NHSL1: variants seen among roughly 807,000 people sequenced by gnomAD.
The protein encoded by NHSL1 is NHS like 1, also known as NHS-like protein 1.
Under a neutral mutation model 95.0 loss-of-function variants are expected in NHSL1, and 48 were observed. The ratio of observed to expected loss-of-function variants is 0.51; its 90% CI spans 0.40 to 0.64. The LOEUF (loss-of-function observed/expected upper bound fraction) is 0.64, where lower values mean the gene tolerates loss of function less well. NHSL1 is among the 30% of genes least tolerant of loss of function. The pLI is 0.00. For synonymous variants in NHSL1, 783 were observed against 833.9 expected (o/e 0.94, Z 1.05); for missense variants, 1,971 against 2,077.7 (o/e 0.95, Z 1.00).
intron 1 of NHSL1, among the ~76,000 whole-genome samples, chr6:138,523,627 G>GGAAAA (rs1484248538): frequency 1.8e-4 from 12 of 64,936 alleles, no homozygotes; most frequent in South Asian, 6.1e-4. Flanking sequence ...TTTTAAAGAG[G>GGAAAA]AAAAAAAAAA....
chr6:138,633,870 C>T (rs1784854072), intron 1 of NHSL1, among the ~76,000 whole-genome samples: 1 of 152,142 alleles, frequency 6.6e-6, no homozygotes, highest in Non-Finnish European at 1.5e-5. Flanking sequence ...ATAACTACAA[C>T]TATTCAAGAC....
rs1283413370 is a variant in NHSL1 at position 138,430,938 on chromosome 6, C to G, written c.3407G>C (p.Ser1136Thr). 1.3e-6 allele frequency: 2 copies of G among 1,551,702 alleles called. No homozygotes were observed. Among genetic ancestry groups the G allele is most frequent in the East Asian group, 4.9e-5 (2 of 40,912 alleles). Residue 1136 changes from serine (S) to threonine (T), a missense_variant, in exon 6 of 8, where the codon AGC becomes ACC. Ser to Thr is a moderately conservative substitution (Grantham distance 58). Coordinates refer to ENST00000343505, the MANE Select transcript of NHSL1 (RefSeq NM_001144060.2). This position sits in a 1 kb window ranked among gnomAD's most constrained non-coding sequence, Gnocchi z 4.7. ...GCTCTTGGCAGGCGTCGGAAGCGAG[C>G]TTGTCACAGAGGCAGGCTGGCTTTC... The part of the protein sequence containing the change: ...ESESQPASVT[S>T]SLPTPAKSSS...
intron 3 of NHSL1, among the ~76,000 whole-genome samples, chr6:138,471,880 A>T (rs1005648073): frequency 6.6e-6 from 1 of 152,180 alleles, no homozygotes; most frequent in African/African-American, 2.4e-5. Context: ...AATTTAAAAT[A>T]TTAATTACAA....
intron 1 of NHSL1, among the ~76,000 whole-genome samples, chr6:138,518,339 T>C (rs1781537457): frequency 6.6e-6 from 1 of 151,938 alleles, no homozygotes; most frequent in African/African-American, 2.4e-5. Flanking sequence ...ACAGTCCAGG[T>C]TTGGTTTCTT....
At chr6:138,508,379 T>C (rs1562337084) in intron 1 of NHSL1, among the ~76,000 whole-genome samples, 2 of 152,142 alleles carry the variant, frequency 1.3e-5, no homozygotes. Context: ...GTGCTGATGT[T>C]GGAATTATTG....
At chr6:138,690,896 T>C (rs1785657573) in intron 1 of NHSL1, among the ~76,000 whole-genome samples, 1 of 152,230 alleles carries the variant, frequency 6.6e-6, no homozygotes, top group Admixed American at 6.5e-5. Flanking sequence ...AGAAAAGTGA[T>C]ACATTTAAAT....
At chr6:138,581,951 G>A (rs1198197278) in intron 1 of NHSL1, among the ~76,000 whole-genome samples, 1 of 144,530 alleles carries the variant, frequency 6.9e-6, no homozygotes, top group East Asian at 2.0e-4. Context: ...AGGCTGGAGT[G>A]CAGTGGCGCG....
At chr6:138,576,967 A>G (rs139964053), upstream of NHSL1, among the ~76,000 whole-genome samples, 18 of 152,376 alleles carry the variant, frequency 1.2e-4, no homozygotes, top group East Asian at 3.5e-3. Context: ...TAAAAACTGG[A>G]GGCACCAGAA....
chr6:138,427,799 T>G (rs1775359693), intron 7 of NHSL1, among the ~76,000 whole-genome samples: 1 of 152,226 alleles, frequency 6.6e-6, no homozygotes, highest in Middle Eastern at 3.2e-3. Flanking sequence ...GCTTAAGCGC[T>G]GAAGGACATA....
chr6:138,432,054 G>T lies in NHSL1; in HGVS notation c.2291C>A (p.Pro764Gln). ...PNVYSLCGAT[P>Q]SQSDTSSVKS... ...GACGCTGCTTGTGTCACTCTGCGAT[G>T]GCGTGGCCCCGCACAGGGAGTAGAC... Residue 764 changes from proline (P) to glutamine (Q), a missense_variant, in exon 6 of 8, where the codon CCA becomes CAA. Physicochemically the swap from Pro to Gln is moderately conservative, Grantham distance 76. Transcript: ENST00000343505. This position sits in a 1 kb window ranked among gnomAD's most constrained non-coding sequence, Gnocchi z 4.4. 4 of 1,551,744 alleles carry T rather than the reference G, an allele frequency of 2.6e-6. No individual in the cohort carries two copies. The highest frequency in any genetic ancestry group is 3.5e-6 in the Non-Finnish European group (4 of 1,146,996).
At chr6:138,641,581 C>T (rs1250265128) in intron 1 of NHSL1, among the ~76,000 whole-genome samples, 1 of 149,296 alleles carries the variant, frequency 6.7e-6, no homozygotes, top group Non-Finnish European at 1.5e-5. Flanking sequence ...TGAGATCGTG[C>T]CACCGCACTC....
At chr6:138,643,237 T>A (rs1393206661) in intron 1 of NHSL1, among the ~76,000 whole-genome samples, 2 of 152,102 alleles carry the variant, frequency 1.3e-5, no homozygotes, top group Non-Finnish European at 2.9e-5. Context: ...AAGACTTTAT[T>A]TTTTTTAGAG....
intron 1 of NHSL1, among the ~76,000 whole-genome samples, chr6:138,688,408 G>C (rs1785615706): frequency 6.6e-6 from 1 of 152,078 alleles, no homozygotes. Flanking sequence ...CACTTTGGGA[G>C]GCCGAGGCGG....
At position 138,433,224 on chromosome 6, in the gene NHSL1, G is replaced by A. The variant is rs963808235; in HGVS notation, c.1121C>T (p.Ser374Leu). The change falls in exon 6 of 8, where the codon TCA becomes TTA. Residue 374 changes from serine (S) to leucine (L), a missense_variant. This residue lies in a region of NHSL1 where 1,602 missense variants were observed against 1,654.5 expected (regional missense o/e 0.97). Transcript: ENST00000343505. ...DENLGHLGGA[S>L]GTGTLLRPKS... is the part of the protein sequence containing the mutation. The stretch of plus-strand genomic sequence containing the variant: ...GGGTCTCAAAAGTGTTCCAGTCCCT[G>A]AGGCACCTCCTAAATGGCCTAAGTT... The A allele has an allele frequency of 6.4e-7, 1 of 1,551,204 alleles. No individual in the cohort carries two copies. Among genetic ancestry groups the A allele is most frequent in the African/African-American group, 1.4e-5 (1 of 72,972 alleles).
In NHSL1 at chr6:138,430,902, C is replaced by A. The variant is rs1335008537; in HGVS notation, c.3443G>T (p.Gly1148Val). 6.4e-7 allele frequency: 1 copy of A among 1,551,544 alleles called. No individual in the cohort carries two copies. The highest frequency in any genetic ancestry group is 8.7e-7 in the Non-Finnish European group (1 of 1,146,886). Residue 1148 changes from glycine (G) to valine (V), a missense_variant, in exon 6 of 8, where the codon GGT (glycine) becomes GTT (valine). Gly to Val is a moderately radical substitution (Grantham distance 109). This residue lies in a region of NHSL1 where 1,602 missense variants were observed against 1,654.5 expected (regional missense o/e 0.97). Transcript: ENST00000343505. The surrounding 1 kb of genome is among the most constrained non-coding windows in gnomAD (Gnocchi z 4.7). Reference sequence around the variant, plus strand: ...ACGCTCAGCCGCACTGCCATGGTCACCCTGACTCGAGCTCTTGGCAGGCGT... The same window carrying A: ...ACGCTCAGCCGCACTGCCATGGTCAACCTGACTCGAGCTCTTGGCAGGCGT... ...LPTPAKSSSQ[G>V]DHGSAAERGG...
chr6:138,504,146 G>A (rs1358326284), upstream of NHSL1, among the ~76,000 whole-genome samples: 1 of 152,102 alleles, frequency 6.6e-6, no homozygotes, highest in African/African-American at 2.4e-5. Context: ...GAGGCAGGAA[G>A]ATTGCTTAAG....
In NHSL1 at chr6:138,668,391, C is replaced by T. The variant is rs193195443; in HGVS notation, c.96+24085G>A. ...CTGGGAGGCGGAGGTTGCAGTGAGC[C>T]GAGATGGTGCCATTGCACTCCAACC... On this transcript the variant is annotated intron_variant, in intron 1 of 3. Coordinates refer to the NHSL1 transcript ENST00000491526. Among the ~76,000 whole-genome samples the T allele has an allele frequency of 2.0e-3, 305 of 151,756 alleles. 3 individuals carry two copies. Among genetic ancestry groups the T allele is most frequent in the African/African-American group, 7.1e-3 (293 of 41,414 alleles).
At chr6:138,533,644 A>G (rs1029435762) in intron 1 of NHSL1, among the ~76,000 whole-genome samples, 2 of 152,234 alleles carry the variant, frequency 1.3e-5, no homozygotes, top group Non-Finnish European at 2.9e-5. Flanking sequence ...TTTTCTGTCT[A>G]TGATCAATTG....
intron 2 of NHSL1, among the ~76,000 whole-genome samples, chr6:138,494,640 A>C (rs528880585): frequency 5.7e-4 from 87 of 152,286 alleles, no homozygotes; most frequent in African/African-American, 2.1e-3. Context: ...ATTTTTCTAG[A>C]TTTTCCTTGA....
Sources: gnomAD v4.1 joint callset for allele counts (sites outside exome capture counted in the v4.1 genomes callset) on GRCh38, gnomAD v4.1.1 for gene constraint, gnomAD v4.1.1 regional missense constraint, Gnocchi (gnomAD v3.1) non-coding constraint, MANE v1.5 for transcripts, NCBI Gene and HGNC (gene_info 2026-07-23, HGNC 2026-07-21) for gene names.